The following QRSL1 variants were observed in gnomAD, a reference collection of about 807,000 sequenced individuals.
QRSL1 encodes glutaminyl-tRNA amidotransferase subunit QRSL1, also known as glutamyl-tRNA(Gln) amidotransferase subunit A, mitochondrial.
Under a neutral mutation model 61.6 loss-of-function variants are expected in QRSL1, and 54 were observed. The observed-to-expected ratio is 0.88, with a 90% CI of 0.70 to 1.10. The LOEUF (loss-of-function observed/expected upper bound fraction) is 1.10, where lower values mean the gene tolerates loss of function less well. QRSL1 is among the 50% of genes least tolerant of loss of function. QRSL1 has a pLI of 0.00. For synonymous variants in QRSL1, 228 were observed against 225.7 expected, an observed-to-expected ratio of 1.01 and a Z score of -0.09; for missense variants, 505 against 622.6, an observed-to-expected ratio of 0.81 and a Z score of 2.01.
rs1281334398 is a variant in QRSL1 at position 106,666,093 on chromosome 6, C to G, written c.*91C>G. 5 of 990,172 alleles carry G rather than the reference C, an allele frequency of 5.0e-6. No individual in the cohort carries two copies. The highest frequency in any genetic ancestry group is 6.3e-6 in the Non-Finnish European group (4 of 639,972). The allele number at this position is 990,172 out of a possible 1,614,324, so 61.3% of individuals were successfully genotyped here. The stretch of plus-strand genomic sequence containing the variant: ...CTTTGGGAGGCCAAGGCGAGCGGAT[C>G]ATGAGGTCAGAAGATCTAGAACAGC... On this transcript the variant is annotated 3_prime_UTR_variant, in exon 11 of 11. Coordinates refer to ENST00000369046, the MANE Select transcript of QRSL1 (RefSeq NM_018292.5).
chr6:106,655,741 A>G lies in QRSL1; in HGVS notation c.1160+9A>G. 1 of 1,531,366 alleles carries G rather than the reference A, an allele frequency of 6.5e-7. No individual in the cohort carries two copies. Among genetic ancestry groups the G allele is most frequent in the Non-Finnish European group, 9.0e-7 (1 of 1,106,482 alleles). 94.9% of individuals were successfully genotyped at this position (1,531,366 alleles called of 1,614,324 possible). ...TTTTTCTTATTAAAAGAGTAAGACA[A>G]CTCATTTAGGAATTTTCTTCATTCT... On this transcript the variant is annotated intron_variant, in intron 9 of 10. Coordinates refer to ENST00000369046, the MANE Select transcript of QRSL1 (RefSeq NM_018292.5).
chr6:106,636,967 AC>A (rs895859426), intron 1 of QRSL1, among the ~76,000 whole-genome samples: 3 of 152,236 alleles, frequency 2.0e-5, no homozygotes, highest in Non-Finnish European at 4.4e-5. Flanking sequence ...TCAGGATCTC[AC>A]AGTTTTCTGG....
intron 7 of QRSL1, 143 bp from the exon 8 acceptor site, chr6:106,654,587 C>G (rs1777238686): frequency 7.3e-6 from 5 of 681,104 alleles, no homozygotes; most frequent in Non-Finnish European, 1.2e-5. Context: ...AGCTACCTAC[C>G]AGCAATTTTA....
At position 106,640,395 on chromosome 6, in the gene QRSL1, G is replaced by C. The variant is rs762491991; in HGVS notation, c.71G>C (p.Cys24Ser). Reference sequence around the variant, plus strand: ...GGCCAAATTACACCAACAGAGCTCTGTCAAAAATGTCTCTCTCTTATCAAG... The same window carrying C: ...GGCCAAATTACACCAACAGAGCTCTCTCAAAAATGTCTCTCTCTTATCAAG... ...KQGQITPTEL[C>S]QKCLSLIKKT... is the part of the protein sequence containing the mutation. The change falls in exon 2 of 11, where the codon TGT becomes TCT. Residue 24 changes from cysteine (C) to serine (S), a missense_variant. Transcript: ENST00000369046. 21 of 1,612,762 alleles carry C rather than the reference G, an allele frequency of 1.3e-5. No homozygotes were observed. The highest frequency in any genetic ancestry group is 1.5e-5 in the Non-Finnish European group (18 of 1,179,164).
chr6:106,632,861 C>G (rs1365871624), intron 1 of QRSL1, among the ~76,000 whole-genome samples: 2 of 152,008 alleles, frequency 1.3e-5, no homozygotes, highest in Non-Finnish European at 2.9e-5. Context: ...GTTATCAATC[C>G]CTTGTCAGCT....
intron 1 of QRSL1, among the ~76,000 whole-genome samples, chr6:106,634,493 G>A (rs923584902): frequency 1.3e-5 from 2 of 152,262 alleles, no homozygotes; most frequent in African/African-American, 4.8e-5. Context: ...CTGACCGGGT[G>A]CAATGGCTCA....
chr6:106,655,879 T>C (rs1381040897), intron 9 of QRSL1, 147 bp downstream of exon 9: 1 of 556,446 alleles, frequency 1.8e-6, no homozygotes, highest in Non-Finnish European at 3.3e-6. Flanking sequence ...CACTTTTGGG[T>C]CCTGGTATTC....
intron 10 of QRSL1, among the ~76,000 whole-genome samples, chr6:106,664,845 A>G (rs4363071): frequency 0.032 from 4,944 of 152,204 alleles, 274 homozygotes; most frequent in East Asian, 0.19. Flanking sequence ...CTGGAGTAAT[A>G]TTTTGAGACC....
rs559466446 is a variant in QRSL1 at position 106,655,224 on chromosome 6, G to A, written c.1042+302G>A. 3.3e-5 allele frequency among the ~76,000 whole-genome samples: 5 copies of A among 152,252 alleles called. No individual in the cohort carries two copies. The South Asian group carries it at 1.0e-3, about 32-fold the overall frequency. On this transcript the variant is annotated intron_variant, in intron 8 of 10. Coordinates refer to ENST00000369046, the MANE Select transcript of QRSL1 (RefSeq NM_018292.5). ...TGTTTGAATGAATGAATGAGGGAGT[G>A]AACAATTGGAGTTTCTTTCTTGGTT... is the stretch of plus-strand genomic sequence containing the variant.
chr6:106,662,451 A>C lies in QRSL1; in HGVS notation c.1161-529A>C, dbSNP rs375893369. ...AATTCATTTTTATGTTAAGAATCTT[A>C]ATGGTGCCTCCTCATAAAAGCCAAG... On this transcript the variant is annotated intron_variant, in intron 9 of 10. Transcript: ENST00000369046. Among the ~76,000 whole-genome samples the C allele has an allele frequency of 5.3e-4, 81 of 151,762 alleles. 1 individual carries two copies. The highest frequency in any genetic ancestry group is 1.8e-3 in the African/African-American group (74 of 41,422).
At chr6:106,637,107 G>A (rs1486629468) in intron 1 of QRSL1, among the ~76,000 whole-genome samples, 1 of 152,170 alleles carries the variant, frequency 6.6e-6, no homozygotes, top group Non-Finnish European at 1.5e-5. Context: ...CAGCCCTCTC[G>A]ACCTCGTTGG....
At chr6:106,648,184 T>C (rs1377678343) in intron 4 of QRSL1, among the ~76,000 whole-genome samples, 1 of 151,698 alleles carries the variant, frequency 6.6e-6, no homozygotes, top group Admixed American at 6.6e-5. Context: ...TAGTCCCAGC[T>C]ACTCGGGAGG....
intron 7 of QRSL1, 22 bp downstream of exon 7, chr6:106,652,604 T>C: frequency 6.2e-7 from 1 of 1,614,078 alleles, no homozygotes; most frequent in Non-Finnish European, 8.5e-7. Flanking sequence ...CTTTCATTAC[T>C]TTACAGAAAT....
Position 106,640,874 on chromosome 6 carries a change from T to A in QRSL1, c.236T>A (p.Phe79Tyr), listed in dbSNP as rs1318802468. The stretch of plus-strand genomic sequence containing the variant: ...ATTCCTATTGCAGTAAAAGACAATT[T>A]CAGCACTTCTGGCATTGAGACAACA... ...DGIPIAVKDN[F>Y]STSGIETTCA... The change falls in exon 3 of 11, where the codon TTC becomes TAC. Residue 79 changes from phenylalanine (F) to tyrosine (Y), a missense_variant. Transcript: ENST00000369046. The A allele has an allele frequency of 6.2e-7, 1 of 1,613,796 alleles. No homozygotes were observed.
chr6:106,640,573 C>A, intron 2 of QRSL1, 65 bp downstream of exon 2: 1 of 1,358,394 alleles, frequency 7.4e-7, no homozygotes, highest in Non-Finnish European at 9.9e-7. Flanking sequence ...TTGTAGCAGT[C>A]TCCATTTGGC....
chr6:106,646,759 T>C (rs1284041748), intron 4 of QRSL1, among the ~76,000 whole-genome samples: 1 of 152,158 alleles, frequency 6.6e-6, no homozygotes, highest in East Asian at 1.9e-4. Flanking sequence ...CCGGGCACGG[T>C]GGCTCACACC....
chr6:106,652,148 A>G, intron 5 of QRSL1, 61 bp from the exon 6 acceptor site: 2 of 1,440,840 alleles, frequency 1.4e-6, no homozygotes, highest in Admixed American at 2.0e-5. Flanking sequence ...TTGAAAGGGT[A>G]GATTCCAAAT....
intron 9 of QRSL1, among the ~76,000 whole-genome samples, chr6:106,657,350 T>C (rs1777288061): frequency 6.6e-6 from 1 of 152,202 alleles, no homozygotes. Context: ...GTAATGACTT[T>C]GGAGTAGGAA....
At chr6:106,656,058 A>G (rs1161323589) in intron 9 of QRSL1, among the ~76,000 whole-genome samples, 1 of 152,248 alleles carries the variant, frequency 6.6e-6, no homozygotes, top group African/African-American at 2.4e-5. Flanking sequence ...TTAAAAAGCA[A>G]TACAGTGTAA....
Sources: allele counts gnomAD v4.1 joint callset (sites outside exome capture counted in the v4.1 genomes callset), GRCh38; gene constraint gnomAD v4.1.1; transcripts MANE v1.5; gene names NCBI Gene and HGNC (gene_info 2026-07-23, HGNC 2026-07-21).